The following CDH8 variants were observed in gnomAD, a reference collection of about 807,000 sequenced individuals.
The protein encoded by CDH8 is cadherin 8.
Under a neutral mutation model 68.1 loss-of-function variants are expected in CDH8, and 17 were observed. The ratio of observed to expected loss-of-function variants is 0.25; its 90% confidence interval spans 0.17 to 0.37. The LOEUF (loss-of-function observed/expected upper bound fraction) is 0.37, where lower values mean the gene tolerates loss of function less well. Ranked by LOEUF, CDH8 falls within the 10% of genes least tolerant of loss-of-function variation. The pLI, the probability that CDH8 is intolerant of heterozygous loss-of-function variation, is 1.00. For synonymous variants in CDH8, 372 were observed against 365.1 expected (o/e 1.02, Z -0.21); for missense variants, 763 against 999.3 (o/e 0.76, Z 3.19).
At chr16:62,031,180 T>A (rs935969253) in intron 1 of CDH8, among the ~76,000 whole-genome samples, 1 of 152,182 alleles carries the variant, frequency 6.6e-6, no homozygotes, top group Non-Finnish European at 1.5e-5. Context: ...GCATTCTCAT[T>A]TTTACAAAGC....
chr16:61,651,986 G>GAA lies in CDH8; in HGVS notation c.*1620_*1621dup. On this transcript the variant is annotated 3_prime_UTR_variant, in exon 12 of 12. Transcript: ENST00000577390. ...TCTGTTAATAGATCTTCCACTGATT[G>GAA]AAAAAAAAATTAATGACAACAAAGG... is the stretch of plus-strand genomic sequence containing the variant. The GAA allele has an allele frequency of 2.5e-5, 17 of 684,482 alleles. No individual in the cohort carries two copies. Among genetic ancestry groups the GAA allele is most frequent in the Non-Finnish European group, 3.1e-5 (17 of 556,764 alleles). 42.4% of individuals were successfully genotyped at this position (684,482 alleles called of 1,614,324 possible).
At chr16:61,725,463 A>C (rs1261178814) in intron 9 of CDH8, 4 of 150,894 alleles carry the variant, frequency 2.7e-5, no homozygotes, top group Non-Finnish European at 6.0e-5. Flanking sequence ...GTTTTATTTA[A>C]ATTCTGAAGT....
At chr16:61,880,181 C>T (rs1567512173) in intron 3 of CDH8, among the ~76,000 whole-genome samples, 1 of 152,114 alleles carries the variant, frequency 6.6e-6, no homozygotes, top group East Asian at 1.9e-4. Flanking sequence ...GCCTTGGCAT[C>T]CCAAAGTGCT....
At chr16:61,692,716 T>G (rs1441645225) in intron 10 of CDH8, 3 of 152,178 alleles carry the variant, frequency 2.0e-5, no homozygotes, top group Non-Finnish European at 4.4e-5. Context: ...TCTATTACTT[T>G]GCAGAATGCT....
At chr16:61,654,981 A>G (rs1306190222) in intron 11 of CDH8, among the ~76,000 whole-genome samples, 2 of 152,356 alleles carry the variant, frequency 1.3e-5, no homozygotes, top group South Asian at 2.1e-4. Flanking sequence ...GGAAAATATC[A>G]GAGAAATGCA....
chr16:61,940,334 G>A (rs758469894), intron 2 of CDH8: 1 of 150,942 alleles, frequency 6.6e-6, no homozygotes. Context: ...GAATATGTGT[G>A]CTCCTTATCA....
chr16:61,759,531 G>C (rs1344970758), intron 8 of CDH8, among the ~76,000 whole-genome samples: 1 of 152,096 alleles, frequency 6.6e-6, no homozygotes, highest in Non-Finnish European at 1.5e-5. Context: ...TCAGTTCTCT[G>C]AAACAGTACT....
intron 10 of CDH8, among the ~76,000 whole-genome samples, chr16:61,680,083 A>G (rs1056933307): frequency 6.6e-6 from 1 of 151,906 alleles, no homozygotes; most frequent in African/African-American, 2.4e-5. Flanking sequence ...GAGGTTTCTA[A>G]TAATAGTCCA....
chr16:61,991,907 G>T (rs1050122459), intron 2 of CDH8, among the ~76,000 whole-genome samples: 25 of 152,102 alleles, frequency 1.6e-4, no homozygotes, highest in African/African-American at 5.6e-4. Flanking sequence ...TTGAAACTTT[G>T]TACTACTTTG....
At chr16:61,977,750 T>C (rs1475260960) in intron 2 of CDH8, among the ~76,000 whole-genome samples, 1 of 152,170 alleles carries the variant, frequency 6.6e-6, no homozygotes, top group Admixed American at 6.5e-5. Context: ...ATCTGAACTC[T>C]TAGCTTCTAA....
intron 8 of CDH8, among the ~76,000 whole-genome samples, chr16:61,758,784 T>C (rs1022207938): frequency 1.3e-5 from 2 of 152,192 alleles, no homozygotes; most frequent in Non-Finnish European, 2.9e-5. Flanking sequence ...AGTTCATAGA[T>C]CAAATACATA....
At chr16:61,656,890 T>G (rs1302257025) in intron 10 of CDH8, among the ~76,000 whole-genome samples, 1 of 152,152 alleles carries the variant, frequency 6.6e-6, no homozygotes, top group Non-Finnish European at 1.5e-5. Context: ...TGCAGTCACA[T>G]TGTATATAAT....
intron 2 of CDH8, among the ~76,000 whole-genome samples, chr16:61,934,980 G>A (rs1326242473): frequency 2.6e-5 from 4 of 152,174 alleles, no homozygotes; most frequent in African/African-American, 9.6e-5. Context: ...GTTGCCTGCT[G>A]GAAATATTTT....
At chr16:61,813,617 G>T (rs908837679) in intron 7 of CDH8, among the ~76,000 whole-genome samples, 1 of 152,138 alleles carries the variant, frequency 6.6e-6, no homozygotes, top group South Asian at 2.1e-4. Flanking sequence ...TGTCCTAGCC[G>T]GGAGGATTCA....
chr16:61,825,014 T>C lies in CDH8; in HGVS notation c.833A>G (p.Gln278Arg). 1.9e-6 allele frequency: 3 copies of C among 1,610,250 alleles called. No individual in the cohort carries two copies. The highest frequency in any genetic ancestry group is 2.5e-6 in the Non-Finnish European group (3 of 1,177,454). Residue 278 changes from glutamine to arginine, a missense_variant and splice_region_variant, in exon 5 of 12, where the codon CAG becomes CGG. By Grantham distance (43) the Gln-to-Arg change is conservative. Around this residue, in one of 2 missense-constraint regions of CDH8, gnomAD observed 366 missense variants for 563.1 expected, o/e 0.65. Transcript: ENST00000577390. ...DVNDNPPKFA[Q>R]SLYHFSVPED... Reference sequence around the variant, plus strand: ...TCCAGTGCAGGAAATTAACTTACTCTGTGCAAATTTTGGAGGATTGTCATT... The same window carrying C: ...TCCAGTGCAGGAAATTAACTTACTCCGTGCAAATTTTGGAGGATTGTCATT...
intron 1 of CDH8, chr16:62,034,961 T>A (rs1902417091): frequency 6.6e-6 from 1 of 152,214 alleles, no homozygotes; most frequent in South Asian, 2.1e-4. Context: ...GTCCTTGACA[T>A]GCCGCCGGCT....
intron 4 of CDH8, among the ~76,000 whole-genome samples, chr16:61,848,770 T>C (rs1228458934): frequency 6.6e-6 from 1 of 152,104 alleles, no homozygotes; most frequent in African/African-American, 2.4e-5. Context: ...ATTATCATCA[T>C]TTATTTTGGG....
chr16:61,716,157 T>C (rs1348218430), intron 9 of CDH8, among the ~76,000 whole-genome samples: 1 of 151,656 alleles, frequency 6.6e-6, no homozygotes, highest in East Asian at 1.9e-4. Context: ...CAGTCATAAT[T>C]AAATGCTTTC....
chr16:61,699,475 T>G (rs1294208342), intron 10 of CDH8, among the ~76,000 whole-genome samples: 1 of 152,218 alleles, frequency 6.6e-6, no homozygotes, highest in Admixed American at 6.5e-5. Flanking sequence ...TGCCTTTGCT[T>G]CCTTACAATT....
Sources: allele counts gnomAD v4.1 joint callset (sites outside exome capture counted in the v4.1 genomes callset), GRCh38; gene constraint gnomAD v4.1.1; regional missense constraint gnomAD v4.1.1; transcripts MANE v1.5; gene names NCBI Gene and HGNC (gene_info 2026-07-23, HGNC 2026-07-21).